Variants in NLRP6 observed in about 807,000 individuals in gnomAD.
NLRP6 encodes NLR family pyrin domain containing 6.
NLRP6 carries 55 observed loss-of-function variants against 70.9 expected under a neutral mutation model. The observed-to-expected ratio is 0.78, with a 90% CI of 0.62 to 0.97. The LOEUF (loss-of-function observed/expected upper bound fraction) is 0.97, where lower values mean the gene tolerates loss of function less well. Among genes scored for constraint, NLRP6 ranks in the 50% least tolerant of loss-of-function variants. NLRP6 has a pLI of 0.00. For missense variants in NLRP6, 1,241 were observed against 1,238.3 expected, an observed-to-expected ratio of 1.00 and a Z score of -0.03; for synonymous variants, 652 against 581.9, an observed-to-expected ratio of 1.12 and a Z score of -1.73.
At position 282,714 on chromosome 11, in the gene NLRP6, C is replaced by T; in HGVS notation, c.2115C>T (p.Gly705=). 1 of 1,613,682 alleles carries T rather than the reference C, an allele frequency of 6.2e-7. No homozygotes were observed. The highest frequency in any genetic ancestry group is 8.5e-7 in the Non-Finnish European group (1 of 1,179,572). The change falls in exon 5 of 8, where the codon GGC becomes GGT. Residue 705 remains glycine (G), a synonymous_variant. Coordinates refer to ENST00000534750, the MANE Select transcript of NLRP6 (RefSeq NM_001276700.2). ...CTCTCTCTCCCAGCAGTTCTCAAGG[C>T]ACCACAAAACAACTGCCAGCCTCCC... ...QASLGGGSSQ[G]TTKQLPASLL...
At position 281,493 on chromosome 11, in the gene NLRP6, C is replaced by G. The variant is rs1454989255; in HGVS notation, c.1759C>G (p.Pro587Ala). ...RWVQGQGQGC[P>A]GVAPEVTEGA... ...GGTGCAGGGACAGGGACAGGGCTGC[C>G]CCGGAGTGGCACCAGAGGTGACCGA... Residue 587 changes from proline (P) to alanine (A), a missense_variant, in exon 4 of 8, where the codon CCC becomes GCC. Transcript: ENST00000534750. 2.5e-6 allele frequency: 4 copies of G among 1,597,894 alleles called. No individual in the cohort carries two copies. The African/African-American group carries it at 5.4e-5, about 21-fold the overall frequency.
rs1269714122 is a variant in NLRP6, at chr11:278,880, A to G, written c.29+282A>G. Among the ~76,000 whole-genome samples, 1 of 152,196 alleles carries G rather than the reference A, an allele frequency of 6.6e-6. No individual in the cohort carries two copies. The highest frequency in any genetic ancestry group is 1.5e-5 in the Non-Finnish European group (1 of 68,012). On this transcript the variant is annotated intron_variant, in intron 1 of 7. Transcript: ENST00000534750. This position sits in a 1 kb window ranked among gnomAD's most constrained non-coding sequence, Gnocchi z 4.7. ...CCCAGGAATACAGCCTGGGCCTGGC[A>G]GTGTCTGCTGCCAAAGAGGCCAGTT...
intron 7 of NLRP6, 128 bp downstream of exon 7, chr11:284,770 C>G: frequency 2.3e-6 from 2 of 886,830 alleles, no homozygotes; most frequent in Non-Finnish European, 1.7e-6. Context: ...TGACTGAGCT[C>G]AAACACTGAC....
intron 4 of NLRP6, 22 bp from the exon 5 acceptor site, chr11:282,683 A>G: frequency 6.3e-7 from 1 of 1,593,588 alleles, no homozygotes; most frequent in Non-Finnish European, 8.6e-7. Context: ...GGTGGGCTTC[A>G]CCTTCCTCTC....
rs780847345 is a variant in NLRP6, at chr11:284,195, G to A, written c.2199-35G>A. 5.9e-5 allele frequency: 95 copies of A among 1,603,762 alleles called. No individual in the cohort carries two copies. In the Middle Eastern group the frequency reaches 6.6e-4, roughly 11 times the overall value. On this transcript the variant is annotated intron_variant, in intron 5 of 7. Coordinates refer to ENST00000534750, the MANE Select transcript of NLRP6 (RefSeq NM_001276700.2). ...TTGGAGGTGGTGTGGTGGCTGAGGC[G>A]CCTGCAGGTAAATCTCTGTGCTTCT...
rs572309790 is a variant in NLRP6, at chr11:284,695, G to C, written c.2537+53G>C. On this transcript the variant is annotated intron_variant, in intron 7 of 7. Coordinates refer to ENST00000534750, the MANE Select transcript of NLRP6 (RefSeq NM_001276700.2). ...GGGACACAGCCTGTCAACCCGGGGA[G>C]GGGGAGGGTGCCTGGGGGCTCCCCC... The C allele has an allele frequency of 2.6e-6, 4 of 1,523,794 alleles. No homozygotes were observed. In the Admixed American group the frequency reaches 5.5e-5, roughly 21 times the overall value. 94.4% of individuals were successfully genotyped at this position (1,523,794 alleles called of 1,614,324 possible). A position where few individuals can be genotyped will look rare whatever the true frequency, so the allele number is the denominator to read the frequency against.
intron 1 of NLRP6, 195 bp from the exon 2 acceptor site, chr11:279,132 G>C (rs1845428399): frequency 2.2e-6 from 1 of 445,972 alleles, no homozygotes; most frequent in Non-Finnish European, 3.7e-6. Context: ...CCCCGACCCG[G>C]GTCCGGGGAC....
chr11:284,788 C>T, intron 7 of NLRP6, 146 bp downstream of exon 7: 1 of 794,500 alleles, frequency 1.3e-6, no homozygotes, highest in Non-Finnish European at 2.0e-6. Flanking sequence ...GACCTGGGAG[C>T]CCAGCCCTGA....
rs1395470419 is a variant in NLRP6, at chr11:280,723, C to A, written c.989C>A (p.Ala330Asp). The A allele has an allele frequency of 2.5e-6, 4 of 1,578,264 alleles. No individual in the cohort carries two copies. Among genetic ancestry groups the A allele is most frequent in the Middle Eastern group, 1.7e-4 (1 of 5,752 alleles). Residue 330 changes from alanine to aspartate, a missense_variant, in exon 4 of 8, where the codon GCC becomes GAC. By Grantham distance (126) the Ala-to-Asp change is moderately radical (BLOSUM62 -2). Transcript: ENST00000534750. Reference protein sequence around the residue: ...ALLLVTTRAAAPGRLQGRLCS... With the variant: ...ALLLVTTRAADPGRLQGRLCS... The stretch of plus-strand genomic sequence containing the variant: ...CTGCTGGTGACCACGCGCGCCGCCG[C>A]CCCCGGGAGGCTGCAGGGCCGCCTG...
chr11:281,530 G>A lies in NLRP6; in HGVS notation c.1796G>A (p.Gly599Glu). 6.2e-7 allele frequency: 1 copy of A among 1,609,844 alleles called. No homozygotes were observed. The highest frequency in any genetic ancestry group is 8.5e-7 in the Non-Finnish European group (1 of 1,178,118). The stretch of plus-strand genomic sequence containing the variant: ...CCAGAGGTGACCGAGGGGGCCAAAG[G>A]GCTCGAGGACACCGAAGAGCCAGAG... ...VAPEVTEGAK[G>E]LEDTEEPEEE... The change falls in exon 4 of 8, where the codon GGG (glycine) becomes GAG (glutamate). Residue 599 changes from glycine to glutamate, a missense_variant. By Grantham distance (98) the Gly-to-Glu change is moderately conservative (BLOSUM62 -2). Transcript: ENST00000534750.
At position 285,348 on chromosome 11, in the gene NLRP6, C is replaced by A; in HGVS notation, c.*44C>A. 6.3e-7 allele frequency: 1 copy of A among 1,591,628 alleles called. No homozygotes were observed. Among genetic ancestry groups the A allele is most frequent in the Non-Finnish European group, 8.6e-7 (1 of 1,166,860 alleles). Reference sequence around the variant, plus strand: ...AGGGTGGAAGACCCTAGTCAAAGTCCCTGTGGAGAGAACGGCCCATTCCAA... The same window carrying A: ...AGGGTGGAAGACCCTAGTCAAAGTCACTGTGGAGAGAACGGCCCATTCCAA... On this transcript the variant is annotated 3_prime_UTR_variant, in exon 8 of 8. Coordinates refer to ENST00000534750, the MANE Select transcript of NLRP6 (RefSeq NM_001276700.2).
At chr11:279,182 T>A in intron 1 of NLRP6, 145 bp from the exon 2 acceptor site, 3 of 699,334 alleles carry the variant, frequency 4.3e-6, no homozygotes, top group Non-Finnish European at 6.0e-6. Flanking sequence ...CGTTGCCCCC[T>A]CCCGCCACCC....
rs1478487691 is a variant in NLRP6, at chr11:280,302, G to T, written c.568G>T (p.Glu190Ter). Residue 190 changes from glutamate to a stop codon, truncating the protein, a stop_gained, in exon 4 of 8, where the codon GAG (glutamate) becomes TAG (stop). Transcript: ENST00000534750. LOFTEE classifies it high-confidence loss of function. ...HTFNRLFRRD[E>*]EGRRPLTVVL... ...TTTCAACCGCCTCTTCCGCCGCGAC[G>T]AGGAGGGCCGGCGGCCGCTGACCGT... 5.3e-6 allele frequency: 8 copies of T among 1,500,532 alleles called. No individual in the cohort carries two copies. The highest frequency in any genetic ancestry group is 2.5e-5 in the East Asian group (1 of 39,224). The allele number at this position is 1,500,532 out of a possible 1,614,324, so 93.0% of individuals were successfully genotyped here.
At position 281,162 on chromosome 11, in the gene NLRP6, G is replaced by A. The variant is rs1845470143; in HGVS notation, c.1428G>A (p.Gln476=). 6.2e-7 allele frequency: 1 copy of A among 1,613,000 alleles called. No individual in the cohort carries two copies. The highest frequency in any genetic ancestry group is 8.5e-7 in the Non-Finnish European group (1 of 1,179,976). ...TGGAGCTTCGTGGCTCCAAAGTGCAGACGCTGTTTCTCAGCAAAAAGGAGC... is the reference window on the plus strand; with the variant it reads ...TGGAGCTTCGTGGCTCCAAAGTGCAAACGCTGTTTCTCAGCAAAAAGGAGC... ...EQLELRGSKV[Q]TLFLSKKELP... The change falls in exon 4 of 8, where the codon CAG becomes CAA. Residue 476 remains glutamine, a synonymous_variant. Coordinates refer to ENST00000534750, the MANE Select transcript of NLRP6 (RefSeq NM_001276700.2).
chr11:281,721 G>C lies in NLRP6; in HGVS notation c.1987G>C (p.Val663Leu). 6.2e-7 allele frequency: 1 copy of C among 1,613,278 alleles called. No individual in the cohort carries two copies. Among genetic ancestry groups the C allele is most frequent in the Non-Finnish European group, 8.5e-7 (1 of 1,180,028 alleles). Residue 663 changes from valine (V) to leucine (L), a missense_variant, in exon 4 of 8, where the codon GTG becomes CTG. By Grantham distance (32) the Val-to-Leu change is conservative. Transcript: ENST00000534750. Reference sequence around the variant, plus strand: ...GGACGTGGCTGTTCTGAGCTACTGCGTGAGGTGCTGCCCTGCTGGACAGGC... The same window carrying C: ...GGACGTGGCTGTTCTGAGCTACTGCCTGAGGTGCTGCCCTGCTGGACAGGC... ...RMDVAVLSYC[V>L]RCCPAGQALR...
rs529111931 is a variant in NLRP6, at chr11:281,519, G to C, written c.1785G>C (p.Glu595Asp). The C allele has an allele frequency of 6.2e-7, 1 of 1,607,190 alleles. No individual in the cohort carries two copies. The highest frequency in any genetic ancestry group is 1.3e-5 in the African/African-American group (1 of 74,996). The change falls in exon 4 of 8, where the codon GAG becomes GAC. Residue 595 changes from glutamate (E) to aspartate (D), a missense_variant. Coordinates refer to ENST00000534750, the MANE Select transcript of NLRP6 (RefSeq NM_001276700.2). ...CCGGAGTGGCACCAGAGGTGACCGA[G>C]GGGGCCAAAGGGCTCGAGGACACCG... is the stretch of plus-strand genomic sequence containing the variant. The part of the protein sequence containing the change: ...GCPGVAPEVT[E>D]GAKGLEDTEE...
At position 279,569 on chromosome 11, in the gene NLRP6, G is replaced by A; in HGVS notation, c.272G>A (p.Arg91His). 7.0e-7 allele frequency: 1 copy of A among 1,424,114 alleles called. No individual in the cohort carries two copies. 88.2% of individuals were successfully genotyped at this position (1,424,114 alleles called of 1,614,324 possible). Residue 91 changes from arginine to histidine, a missense_variant, in exon 2 of 8, where the codon CGC becomes CAC. Physicochemically the swap from Arg to His is conservative, Grantham distance 29. Coordinates refer to ENST00000534750, the MANE Select transcript of NLRP6 (RefSeq NM_001276700.2). ...ARKTLKRADA[R>H]DVAAQLQERR... ...AAGACCCTCAAGAGGGCGGACGCGC[G>A]CGACGTGGCGGCGCAGCTCCAGGAG...
rs373075382 is a variant in NLRP6 at position 284,470 on chromosome 11, C to T, written c.2370-5C>T. ...CAGCAGCTCCTGAGGTCGGCCCTCC[C>T]ACAGGGTACAGCTGCCTGACCCCCA... On this transcript the variant is annotated splice_region_variant and splice_polypyrimidine_tract_variant and intron_variant, in intron 6 of 7. Transcript: ENST00000534750. 63 of 1,611,288 alleles carry T rather than the reference C, an allele frequency of 3.9e-5. No individual in the cohort carries two copies. The highest frequency in any genetic ancestry group is 2.9e-4 in the African/African-American group (22 of 74,880).
Position 279,737 on chromosome 11 carries a change from G to A in NLRP6, c.311-97G>A. 2.1e-6 allele frequency: 3 copies of A among 1,408,766 alleles called. No homozygotes were observed. In the South Asian group the frequency reaches 4.2e-5, roughly 20 times the overall value. The allele number at this position is 1,408,766 out of a possible 1,614,324, so 87.3% of individuals were successfully genotyped here. On this transcript the variant is annotated intron_variant, in intron 2 of 7. Coordinates refer to ENST00000534750, the MANE Select transcript of NLRP6 (RefSeq NM_001276700.2). ...TATCCACAAATTCGCGGGCCCCAGG[G>A]GTAGGACCCTGCGTGCTCCTCAGGG...
Sources: gnomAD v4.1 joint callset for allele counts (sites outside exome capture counted in the v4.1 genomes callset) on GRCh38, gnomAD v4.1.1 for gene constraint, Gnocchi (gnomAD v3.1) non-coding constraint, MANE v1.5 for transcripts, NCBI Gene and HGNC (gene_info 2026-07-23, HGNC 2026-07-21) for gene names.